The following BNC2 variants were observed in gnomAD, a reference collection of about 807,000 sequenced individuals.
BNC2 encodes zinc finger protein basonuclin-2.
A neutral mutation model predicts 76.3 loss-of-function variants in BNC2; 20 were observed. The observed-to-expected ratio is 0.26, with a 90% CI of 0.18 to 0.38. BNC2 has a LOEUF of 0.38. Among genes scored for constraint, BNC2 ranks in the 10% least tolerant of loss-of-function variants. The probability of loss-of-function intolerance (pLI) is 1.00; values close to 1 mark genes in which losing one functional copy is unlikely to be tolerated. For synonymous variants in BNC2, 582 were observed against 514.8 expected (o/e 1.13, Z -1.77); for missense variants, 1,382 against 1,399.8 (o/e 0.99, Z 0.20).
At chr9:16,516,535 C>T (rs1469017599) in intron 5 of BNC2, among the ~76,000 whole-genome samples, 1 of 152,140 alleles carries the variant, frequency 6.6e-6, no homozygotes, top group East Asian at 1.9e-4. Context: ...CAGAAACCCC[C>T]CCAATACAGG....
chr9:16,583,513 T>C (rs1819685382), intron 3 of BNC2, among the ~76,000 whole-genome samples: 1 of 152,158 alleles, frequency 6.6e-6, no homozygotes, highest in Non-Finnish European at 1.5e-5. Flanking sequence ...AAGTAAAATA[T>C]GGCACACAAA....
intron 1 of BNC2, among the ~76,000 whole-genome samples, chr9:16,864,155 T>C (rs567339675): frequency 6.6e-6 from 1 of 152,282 alleles, no homozygotes; most frequent in South Asian, 2.1e-4. Flanking sequence ...CAAATGTATT[T>C]CTAAAGAACC....
At chr9:16,453,018 T>C (rs901228684) in intron 5 of BNC2, among the ~76,000 whole-genome samples, 4 of 152,226 alleles carry the variant, frequency 2.6e-5, no homozygotes, top group African/African-American at 9.6e-5. Context: ...CAGAGGCTAC[T>C]GGACGGATTT....
intron 4 of BNC2, among the ~76,000 whole-genome samples, chr9:16,558,631 A>T (rs1321865249): frequency 6.6e-6 from 1 of 152,144 alleles, no homozygotes; most frequent in Non-Finnish European, 1.5e-5. Flanking sequence ...TTTCTAGCTG[A>T]TTAAAAAGTA....
intron 1 of BNC2, among the ~76,000 whole-genome samples, chr9:16,807,793 G>C (rs759821194): frequency 2.0e-5 from 3 of 152,172 alleles, no homozygotes; most frequent in Non-Finnish European, 4.4e-5. Context: ...TCTGACACCT[G>C]AAAATTATCT....
At position 16,416,712 on chromosome 9, in the gene BNC2, T is replaced by A. The variant is rs549102529; in HGVS notation, c.*2277A>T. On this transcript the variant is annotated 3_prime_UTR_variant, in exon 7 of 7. Transcript: ENST00000380672. The stretch of plus-strand genomic sequence containing the variant: ...AAGAATTAAAATGGACCCCATAGCA[T>A]CCTCTGAAGGAGGTGAAAAGATAAA... The A allele has an allele frequency of 9.2e-5, 14 of 152,648 alleles. No homozygotes were observed. Among genetic ancestry groups the A allele is most frequent in the Non-Finnish European group, 2.1e-4 (14 of 68,042 alleles). The allele number at this position is 152,648 out of a possible 1,614,324, so 9.5% of individuals were successfully genotyped here.
In BNC2 at chr9:16,449,845, G is replaced by GA. The variant is rs1563789163; in HGVS notation, c.670-12322_670-12321insT. Among the ~76,000 whole-genome samples, 291 of 139,220 alleles carry GA rather than the reference G, an allele frequency of 2.1e-3. 2 individuals are homozygous for GA. The highest frequency in any genetic ancestry group is 8.9e-3 in the African/African-American group (283 of 31,958). The allele number at this position is 139,220 out of a possible 152,430, so 91.3% of individuals were successfully genotyped here. A position where few individuals can be genotyped will look rare whatever the true frequency, so the allele number is the denominator to read the frequency against. On this transcript the variant is annotated intron_variant, in intron 5 of 6. Transcript: ENST00000380672. Reference sequence around the variant, plus strand: ...GAATAAAAGTTAAAGGTGGGGCGGGGGGGGAGGGTAACTAAAATTGTAATG... The same window carrying GA: ...GAATAAAAGTTAAAGGTGGGGCGGGGAGGGGAGGGTAACTAAAATTGTAATG...
intron 1 of BNC2, among the ~76,000 whole-genome samples, chr9:16,816,029 GTGTT>G (rs1156432845): frequency 2.0e-5 from 3 of 152,030 alleles, no homozygotes; most frequent in Non-Finnish European, 4.4e-5. Context: ...TTTGCCCCTT[GTGTT>G]TATTTATTAT....
At chr9:16,761,411 G>A (rs574715330) in intron 1 of BNC2, among the ~76,000 whole-genome samples, 34 of 152,216 alleles carry the variant, frequency 2.2e-4, no homozygotes, top group South Asian at 2.1e-3. Context: ...GCAAACATAC[G>A]TCTCTGATTT....
chr9:16,468,527 C>G lies in BNC2; in HGVS notation c.670-31003G>C, dbSNP rs1326732598. On this transcript the variant is annotated intron_variant, in intron 5 of 6. Transcript: ENST00000380672. ...TCTCCCGCCTCAGCCTCCCGAATAG[C>G]TGGGACTACAGGCGTGCACCACCAC... is the stretch of plus-strand genomic sequence containing the variant. 2.6e-5 allele frequency among the ~76,000 whole-genome samples: 4 copies of G among 152,076 alleles called. 1 individual carries two copies. Among genetic ancestry groups the G allele is most frequent in the East Asian group, 1.9e-4 (1 of 5,178 alleles).
chr9:16,732,289 G>C (rs973674084), intron 2 of BNC2, among the ~76,000 whole-genome samples: 8 of 152,048 alleles, frequency 5.3e-5, no homozygotes. Flanking sequence ...TGTTTTCTTT[G>C]AGGGGAAGGG....
rs1269524486 is a variant in BNC2, at chr9:16,415,709, A to G, written c.*3280T>C. On this transcript the variant is annotated 3_prime_UTR_variant, in exon 7 of 7. Coordinates refer to ENST00000380672, the MANE Select transcript of BNC2 (RefSeq NM_017637.6). ...CTCAGGCACACACTCAAGAACGAGC[A>G]ATACTTTGGAAACAGAAGAATTGTA... 3 of 152,238 alleles carry G rather than the reference A, an allele frequency of 2.0e-5. No homozygotes were observed. Among genetic ancestry groups the G allele is most frequent in the African/African-American group, 7.2e-5 (3 of 41,462 alleles). The allele number at this position is 152,238 out of a possible 1,614,324, so 9.4% of individuals were successfully genotyped here.
At chr9:16,762,395 AG>A (rs1313645767) in intron 1 of BNC2, among the ~76,000 whole-genome samples, 1 of 152,238 alleles carries the variant, frequency 6.6e-6, no homozygotes, top group Admixed American at 6.5e-5. Context: ...CTAGTAAAAC[AG>A]TATTTCGAAA....
At chr9:16,638,996 T>C (rs533235072) in intron 3 of BNC2, among the ~76,000 whole-genome samples, 1 of 152,274 alleles carries the variant, frequency 6.6e-6, no homozygotes, top group South Asian at 2.1e-4. Flanking sequence ...CAATTATTAT[T>C]GATTTGAAAA....
Position 16,790,039 on chromosome 9 carries a change from G to A in BNC2, c.4-51554C>T, listed in dbSNP as rs564653499. ...TTTTGAGATGGAGTCTCGCTCTGTC[G>A]CCTAGGCTGGAGTGCAGTGGCGCGA... is the stretch of plus-strand genomic sequence containing the variant. On this transcript the variant is annotated intron_variant, in intron 1 of 6. Coordinates refer to ENST00000380672, the MANE Select transcript of BNC2 (RefSeq NM_017637.6). Among the ~76,000 whole-genome samples the A allele has an allele frequency of 1.9e-4, 29 of 152,220 alleles. 1 individual carries two copies. Among genetic ancestry groups the A allele is most frequent in the African/African-American group, 7.0e-4 (29 of 41,558 alleles).
intron 1 of BNC2, among the ~76,000 whole-genome samples, chr9:16,811,831 G>A (rs1170024701): frequency 6.6e-6 from 1 of 152,166 alleles, no homozygotes; most frequent in Non-Finnish European, 1.5e-5. Flanking sequence ...AAACATTGGT[G>A]GGCCTGATGG....
Position 16,472,856 on chromosome 9 carries a change from C to G in BNC2, c.670-35332G>C, listed in dbSNP as rs377690642. Among the ~76,000 whole-genome samples, 10 of 152,274 alleles carry G rather than the reference C, an allele frequency of 6.6e-5. No homozygotes were observed. In the East Asian group the frequency reaches 1.4e-3, roughly 21 times the overall value. ...GTTATGTTGATATGGATTTGTGGAT[C>G]GTGCCAACAGGCATCAGAAGTCAGT... On this transcript the variant is annotated intron_variant, in intron 5 of 6. Coordinates refer to ENST00000380672, the MANE Select transcript of BNC2 (RefSeq NM_017637.6).
intron 6 of BNC2, among the ~76,000 whole-genome samples, chr9:16,425,778 T>C (rs1008244546): frequency 1.3e-5 from 2 of 152,350 alleles, no homozygotes; most frequent in Admixed American, 1.3e-4. Flanking sequence ...AATCTGGCCC[T>C]ACAGTTAGAA....
intron 3 of BNC2, among the ~76,000 whole-genome samples, chr9:16,612,353 C>G (rs894971036): frequency 2.0e-5 from 3 of 152,142 alleles, no homozygotes; most frequent in African/African-American, 7.2e-5. Context: ...ACACATGAAA[C>G]AGTCTCACAC....
Sources: gnomAD v4.1 joint callset for allele counts (sites outside exome capture counted in the v4.1 genomes callset) on GRCh38, gnomAD v4.1.1 for gene constraint, MANE v1.5 for transcripts, NCBI Gene and HGNC (gene_info 2026-07-23, HGNC 2026-07-21) for gene names.